The following SRBD1 variants were observed in gnomAD, a reference collection of about 807,000 sequenced individuals.
SRBD1 encodes S1 RNA binding domain 1.
SRBD1 carries 88 observed loss-of-function variants against 115.3 expected under a neutral mutation model. That is an observed-to-expected ratio of 0.76 (90% CI 0.64 to 0.91). The LOEUF (loss-of-function observed/expected upper bound fraction) is 0.91. Among genes scored for constraint, SRBD1 ranks in the 40% least tolerant of loss-of-function variants. SRBD1 has a pLI of 0.00. For synonymous variants in SRBD1, 509 were observed against 407.7 expected, an observed-to-expected ratio of 1.25 and a Z score of -2.99; for missense variants, 1,385 against 1,177.4, an observed-to-expected ratio of 1.18 and a Z score of -2.58.
At position 45,591,379 on chromosome 2, in the gene SRBD1, T is replaced by A. The variant is rs144189970; in HGVS notation, c.649-5605A>T. 2.6e-5 allele frequency among the ~76,000 whole-genome samples: 4 copies of A among 152,226 alleles called. 1 individual carries two copies. Among genetic ancestry groups the A allele is most frequent in the African/African-American group, 9.6e-5 (4 of 41,534 alleles). On this transcript the variant is annotated intron_variant, in intron 4 of 20. Transcript: ENST00000263736. ...CTCACTGGCCCCCTACCTACCAAAT[T>A]ATCTTAAAAACTCCAATTCCCGAGT...
intron 19 of SRBD1, among the ~76,000 whole-genome samples, chr2:45,411,886 G>A (rs1170138065): frequency 6.6e-6 from 1 of 152,140 alleles, no homozygotes; most frequent in East Asian, 1.9e-4. Context: ...CAAGGTGGGT[G>A]GATCACTTGA....
chr2:45,559,952 G>A (rs1023141214), intron 10 of SRBD1, among the ~76,000 whole-genome samples: 5 of 151,968 alleles, frequency 3.3e-5, no homozygotes, highest in South Asian at 2.1e-4. Flanking sequence ...GTGGTGGTGC[G>A]CACCTGTAGT....
intron 7 of SRBD1, 111 bp downstream of exon 7, chr2:45,579,764 T>G: frequency 8.1e-7 from 1 of 1,241,648 alleles, no homozygotes; most frequent in Non-Finnish European, 1.1e-6. Flanking sequence ...ACATACGCTG[T>G]AATATTCTTT....
chr2:45,428,552 A>C (rs908477606), intron 16 of SRBD1, among the ~76,000 whole-genome samples: 8 of 151,230 alleles, frequency 5.3e-5, no homozygotes, highest in Admixed American at 2.0e-4. Context: ...ACTCCGTCTC[A>C]AAAAAATAAA....
intron 16 of SRBD1, among the ~76,000 whole-genome samples, chr2:45,445,942 G>A (rs182605316): frequency 6.6e-6 from 1 of 152,154 alleles, no homozygotes; most frequent in African/African-American, 2.4e-5. Context: ...GCTAGGAACA[G>A]ACGTTTGCCT....
intron 14 of SRBD1, among the ~76,000 whole-genome samples, chr2:45,506,303 A>C (rs933583316): frequency 3.3e-5 from 5 of 152,200 alleles, no homozygotes; most frequent in African/African-American, 1.2e-4. Flanking sequence ...ACTGGGACAA[A>C]GATTCATACT....
Position 45,401,376 on chromosome 2 carries a change from G to T in SRBD1, c.2514-8247C>A, listed in dbSNP as rs563207204. On this transcript the variant is annotated intron_variant, in intron 19 of 20. Coordinates refer to ENST00000263736, the MANE Select transcript of SRBD1 (RefSeq NM_018079.5). ...TTATGATGCTATGTCTTTTTATAAG[G>T]CAATCTAATATTGTCTAGCCATAGG... is the stretch of plus-strand genomic sequence containing the variant. Among the ~76,000 whole-genome samples the T allele has an allele frequency of 2.6e-5, 4 of 152,180 alleles. No homozygotes were observed. In the South Asian group the frequency reaches 8.3e-4, roughly 32 times the overall value.
intron 19 of SRBD1, among the ~76,000 whole-genome samples, chr2:45,411,119 G>C (rs1353853716): frequency 6.6e-6 from 1 of 152,148 alleles, no homozygotes; most frequent in Non-Finnish European, 1.5e-5. Context: ...CCCTCAACCT[G>C]TGGGATCTGA....
In SRBD1 at chr2:45,419,665, T is replaced by C. The variant is rs1410765169; in HGVS notation, c.2156+123A>G. On this transcript the variant is annotated intron_variant, in intron 17 of 20. Transcript: ENST00000263736. ...CCCTCTGATTACTTAAAGCAATGTATAAACCCATAGACGTTCTCTACTTGA... is the reference window on the plus strand; with the variant it reads ...CCCTCTGATTACTTAAAGCAATGTACAAACCCATAGACGTTCTCTACTTGA... 6.7e-6 allele frequency: 5 copies of C among 740,894 alleles called. No individual in the cohort carries two copies. In the African/African-American group the frequency reaches 7.0e-5, roughly 10 times the overall value. 45.9% of individuals were successfully genotyped at this position (740,894 alleles called of 1,614,324 possible).
intron 4 of SRBD1, among the ~76,000 whole-genome samples, chr2:45,599,050 A>G (rs1460037965): frequency 6.6e-6 from 1 of 152,232 alleles, no homozygotes; most frequent in Non-Finnish European, 1.5e-5. Context: ...ACATTACAAC[A>G]TTATACTAAG....
intron 14 of SRBD1, among the ~76,000 whole-genome samples, chr2:45,517,651 ATTTTATTTTTTTC>A (rs1387451536): frequency 1.3e-5 from 2 of 152,138 alleles, no homozygotes; most frequent in African/African-American, 2.4e-5. Flanking sequence ...TTCAGTTTAT[ATTTTATTTTTTTC>A]TATGTACAAG....
chr2:45,526,700 C>A (rs1456744163), intron 14 of SRBD1, among the ~76,000 whole-genome samples: 1 of 151,676 alleles, frequency 6.6e-6, no homozygotes, highest in Non-Finnish European at 1.5e-5. Flanking sequence ...TGTCAATCAA[C>A]TCAAAAATAG....
chr2:45,579,441 T>G (rs1572800690), intron 7 of SRBD1, among the ~76,000 whole-genome samples: 3 of 152,244 alleles, frequency 2.0e-5, no homozygotes, highest in South Asian at 4.2e-4. Flanking sequence ...AGGAGAATCT[T>G]TATAAACTTG....
intron 4 of SRBD1, among the ~76,000 whole-genome samples, chr2:45,599,098 C>T (rs1481874747): frequency 6.6e-6 from 1 of 152,176 alleles, no homozygotes; most frequent in African/African-American, 2.4e-5. Context: ...GACCTAATCA[C>T]CTACACTGCT....
rs147566149 is a variant in SRBD1 at position 45,389,347 on chromosome 2, C to G, written c.2951G>C (p.Arg984Pro). 1 of 1,613,986 alleles carries G rather than the reference C, an allele frequency of 6.2e-7. No homozygotes were observed. The highest frequency in any genetic ancestry group is 1.7e-5 in the Admixed American group (1 of 59,984). The stretch of plus-strand genomic sequence containing the variant: ...AATGAGGTCCAGAGTAATCCTAGAT[C>G]GGGGGATGTCAATGTTGAGTACTTG... ...EVQVLNIDIP[R>P]SRITLDLIRV... Residue 984 changes from arginine to proline, a missense_variant, in exon 21 of 21, where the codon CGA becomes CCA. Physicochemically the swap from Arg to Pro is moderately radical, Grantham distance 103. Coordinates refer to ENST00000263736, the MANE Select transcript of SRBD1 (RefSeq NM_018079.5).
intron 19 of SRBD1, among the ~76,000 whole-genome samples, chr2:45,393,845 A>G (rs1667072716): frequency 6.6e-6 from 1 of 152,222 alleles, no homozygotes; most frequent in Non-Finnish European, 1.5e-5. Context: ...TGCATTACAT[A>G]TTGCCAGCTT....
At chr2:45,488,379 G>A in intron 14 of SRBD1, 48 bp from the exon 15 acceptor site, 1 of 1,529,946 alleles carries the variant, frequency 6.5e-7, no homozygotes, top group Non-Finnish European at 9.0e-7. Context: ...CTTCCTGCCT[G>A]GTCAAAGAAA....
chr2:45,509,223 A>C (rs1253176096), intron 14 of SRBD1, among the ~76,000 whole-genome samples: 1 of 152,188 alleles, frequency 6.6e-6, no homozygotes, highest in African/African-American at 2.4e-5. Flanking sequence ...CTCATCTAGA[A>C]TAAGTCACTA....
intron 15 of SRBD1, among the ~76,000 whole-genome samples, chr2:45,479,113 TA>T (rs1407975688): frequency 6.6e-6 from 1 of 152,162 alleles, no homozygotes; most frequent in Non-Finnish European, 1.5e-5. Context: ...ACTTAATCAA[TA>T]AATGATGTCT....
Sources: gnomAD v4.1 joint callset for allele counts (sites outside exome capture counted in the v4.1 genomes callset) on GRCh38, gnomAD v4.1.1 for gene constraint, MANE v1.5 for transcripts, NCBI Gene and HGNC (gene_info 2026-07-23, HGNC 2026-07-21) for gene names.